Variants in ZNF503 observed in about 807,000 individuals in gnomAD.
ZNF503 encodes the protein zinc finger protein 503, also known as NocA-like zinc finger 2.
A neutral mutation model predicts 34.4 loss-of-function variants in ZNF503; 15 were observed. That is an observed-to-expected ratio of 0.44 (90% confidence interval 0.29 to 0.67). The LOEUF is 0.67. Among genes scored for constraint, ZNF503 ranks in the 30% least tolerant of loss-of-function variants. ZNF503 has a pLI of 0.13. For missense variants in ZNF503, 1,007 were observed against 926.8 expected (o/e 1.09, Z -1.12); for synonymous variants, 580 against 456.8 (o/e 1.27, Z -3.44).
At chr10:75,378,823 G>A in the ZNF503 span, among the ~76,000 whole-genome samples, 5 of 152,122 alleles carry the variant, frequency 3.3e-5, no homozygotes, top group African/African-American at 1.2e-4. Flanking sequence ...AAGGGAAAGA[G>A]GGAAGGCCCC....
chr10:75,388,992 C>CA, the ZNF503 span, among the ~76,000 whole-genome samples: 1 of 152,136 alleles, frequency 6.6e-6, no homozygotes, highest in Admixed American at 6.5e-5. Context: ...CATTAATTGT[C>CA]AAAAAAAGGT....
At chr10:75,347,494 G>A in the ZNF503 span, among the ~76,000 whole-genome samples, 935 of 152,298 alleles carry the variant, frequency 6.1e-3, 5 homozygotes, top group African/African-American at 0.021. Flanking sequence ...GTGGCATAGG[G>A]CACCTCCTGG....
At chr10:75,300,768 C>T in the ZNF503 span, among the ~76,000 whole-genome samples, 13 of 131,852 alleles carry the variant, frequency 9.9e-5, no homozygotes, top group Middle Eastern at 5.5e-3. Flanking sequence ...TGCGATGGTG[C>T]GGTCTCGGTT....
Position 75,399,878 on chromosome 10 carries a change from G to C in ZNF503, c.812C>G (p.Ser271Trp), listed in dbSNP as rs759137278. Reference protein sequence around the residue: ...GGGGKGTGGASAEGGPTGLAH... With the variant: ...GGGGKGTGGAWAEGGPTGLAH... ...CAGCCCCGTGGGTCCCCCTTCGGCC[G>C]AGGCGCCCCCGGTGCCCTTGCCACC... Residue 271 changes from serine to tryptophan, a missense_variant, in exon 2 of 2, where the codon TCG (serine) becomes TGG (tryptophan). By Grantham distance (177) the Ser-to-Trp change is radical (BLOSUM62 -3). Transcript: ENST00000372524. 1.9e-6 allele frequency: 3 copies of C among 1,600,222 alleles called. No homozygotes were observed. The highest frequency in any genetic ancestry group is 1.1e-5 in the South Asian group (1 of 89,468).
At chr10:75,303,735 T>C in the ZNF503 span, among the ~76,000 whole-genome samples, 6 of 152,170 alleles carry the variant, frequency 3.9e-5, no homozygotes, top group African/African-American at 1.4e-4. Context: ...AGGGTGAGAA[T>C]GTTACGGTAA....
chr10:75,324,328 G>GT, the ZNF503 span, among the ~76,000 whole-genome samples: 76,362 of 147,966 alleles, frequency 0.52, 19,900 homozygotes, highest in South Asian at 0.69. Flanking sequence ...TTGTTTTTCT[G>GT]TTTTTTTTTT....
downstream of ZNF503, among the ~76,000 whole-genome samples, chr10:75,396,987 G>A (rs1414196361): frequency 6.6e-6 from 1 of 152,214 alleles, no homozygotes; most frequent in Non-Finnish European, 1.5e-5. This position sits in a 1 kb window ranked among gnomAD's most constrained non-coding sequence, Gnocchi z 4.4. Context: ...CGCTTCTGCA[G>A]AGCGGAGCCC....
At chr10:75,329,410 CT>C in the ZNF503 span, among the ~76,000 whole-genome samples, 69 of 65,786 alleles carry the variant, frequency 1.0e-3, no homozygotes, top group African/African-American at 3.6e-3. Flanking sequence ...TCCTTCCTTC[CT>C]TCCTTTCCTT....
chr10:75,324,890 A>G, the ZNF503 span, among the ~76,000 whole-genome samples: 1 of 152,126 alleles, frequency 6.6e-6, no homozygotes, highest in Non-Finnish European at 1.5e-5. Context: ...ACTTAGCATA[A>G]TATTTTCAAG....
chr10:75,386,918 G>C, the ZNF503 span, among the ~76,000 whole-genome samples: 1 of 152,130 alleles, frequency 6.6e-6, no homozygotes, highest in African/African-American at 2.4e-5. Flanking sequence ...ATCACAGCCC[G>C]CCTTAAGGCA....
At chr10:75,352,630 C>A in the ZNF503 span, among the ~76,000 whole-genome samples, 3 of 152,208 alleles carry the variant, frequency 2.0e-5, no homozygotes, top group African/African-American at 7.2e-5. Context: ...GGCGTATTAT[C>A]TTACTTTTGG....
chr10:75,362,108 A>C, the ZNF503 span, among the ~76,000 whole-genome samples: 1 of 152,144 alleles, frequency 6.6e-6, no homozygotes, highest in African/African-American at 2.4e-5. Flanking sequence ...CTTCTTAATA[A>C]AAACAGCACC....
At chr10:75,379,827 G>A in the ZNF503 span, among the ~76,000 whole-genome samples, 1 of 152,204 alleles carries the variant, frequency 6.6e-6, no homozygotes, top group Non-Finnish European at 1.5e-5. Context: ...AGAGGGAAGC[G>A]TGGACGCAAA....
At chr10:75,296,614 T>C in the ZNF503 span, 1 of 152,222 alleles carries the variant, frequency 6.6e-6, no homozygotes, top group Non-Finnish European at 1.5e-5. Flanking sequence ...TGGAGATGAA[T>C]GAGTCCTGAA....
the ZNF503 span, chr10:75,382,813 C>A: frequency 3.3e-6 from 1 of 302,636 alleles, no homozygotes; most frequent in Non-Finnish European, 6.7e-6. Flanking sequence ...TTGCAGAATT[C>A]AGTAGTGGGT....
rs760375543 is a variant in ZNF503, at chr10:75,401,354, TCCGCCG to T, written c.60_65del (p.Gly26_Gly27del). 1.1e-4 allele frequency: 170 copies of T among 1,516,822 alleles called. 1 individual carries two copies. The Middle Eastern group carries it at 1.4e-3, about 12-fold the overall frequency. 94.0% of individuals were successfully genotyped at this position (1,516,822 alleles called of 1,614,324 possible). A position where few individuals can be genotyped will look rare whatever the true frequency, so the allele number is the denominator to read the frequency against. ...CAGGGTCTGCACCGCCGCCTCCGCC[TCCGCCG>T]CCGCCGCCGCCGCTGTGCTTACTGC... On this transcript the variant is annotated inframe_deletion, in exon 1 of 2. Coordinates refer to ENST00000372524, the MANE Select transcript of ZNF503 (RefSeq NM_032772.6).
At chr10:75,387,895 G>A in the ZNF503 span, among the ~76,000 whole-genome samples, 1 of 152,210 alleles carries the variant, frequency 6.6e-6, no homozygotes, top group Non-Finnish European at 1.5e-5. Context: ...GCAGCCGAGG[G>A]CTCTCTGCAT....
the ZNF503 span, chr10:75,283,403 T>C: frequency 6.6e-6 from 1 of 152,228 alleles, no homozygotes. Flanking sequence ...AAGAGAAGCA[T>C]TTCCTGCAAG....
the ZNF503 span, among the ~76,000 whole-genome samples, chr10:75,334,031 G>A: frequency 4.7e-5 from 6 of 126,482 alleles, no homozygotes; most frequent in Non-Finnish European, 8.3e-5. Flanking sequence ...GCGGCCGGGC[G>A]GAGACGCTCC....
Sources: gnomAD v4.1 joint callset for allele counts (sites outside exome capture counted in the v4.1 genomes callset) on GRCh38, gnomAD v4.1.1 for gene constraint, Gnocchi (gnomAD v3.1) non-coding constraint, MANE v1.5 for transcripts, NCBI Gene and HGNC (gene_info 2026-07-23, HGNC 2026-07-21) for gene names.